Variants in LARP1B observed in about 807,000 individuals in gnomAD.
LARP1B encodes la-related protein 1B.
In LARP1B, 76 loss-of-function variants were observed where a neutral mutation model predicts 114.2. The ratio of observed to expected loss-of-function variants is 0.67; its 90% CI spans 0.55 to 0.81. The LOEUF is 0.81. Among genes scored for constraint, LARP1B ranks in the 30% least tolerant of loss-of-function variants. The pLI is 0.00. For synonymous variants in LARP1B, 345 were observed against 348.0 expected (o/e 0.99, Z 0.10); for missense variants, 1,014 against 1,075.8 (o/e 0.94, Z 0.80).
intron 14 of LARP1B, 54 bp from the exon 15 acceptor site, chr4:128,179,352 T>G (rs1747546132): frequency 2.1e-5 from 23 of 1,090,384 alleles, no homozygotes; most frequent in Non-Finnish European, 3.0e-5. Context: ...TTAATTTACT[T>G]GTGAAGTTCA....
chr4:128,144,603 G>C (rs1295526909), intron 11 of LARP1B, among the ~76,000 whole-genome samples: 2 of 151,894 alleles, frequency 1.3e-5, no homozygotes, highest in Non-Finnish European at 2.9e-5. Context: ...CTGAGTAGCT[G>C]GGATTTCAGG....
At chr4:128,162,135 T>A (rs1305626776) in intron 11 of LARP1B, 59 bp from the exon 12 acceptor site, 1 of 1,535,188 alleles carries the variant, frequency 6.5e-7, no homozygotes, top group East Asian at 2.3e-5. Context: ...GTATCAATTA[T>A]TGTCTGTTGG....
In LARP1B at chr4:128,217,757, C is replaced by T. The variant is rs1488079936; in HGVS notation, n.849-2598C>T. ...ACAAGACAGGGATGCCCTCTCTCAC[C>T]GCTCCTATTCAACATAGTGTTGGAA... On this transcript the variant is annotated intron_variant and non_coding_transcript_variant, in intron 6 of 7. Coordinates refer to the LARP1B transcript ENST00000503725. 7.1e-5 allele frequency among the ~76,000 whole-genome samples: 8 copies of T among 111,902 alleles called. No homozygotes were observed. In the East Asian group the frequency reaches 1.9e-3, roughly 27 times the overall value. The allele number at this position is 111,902 out of a possible 152,430, so 73.4% of individuals were successfully genotyped here.
At chr4:128,082,969 C>T (rs1040204493) in intron 5 of LARP1B, among the ~76,000 whole-genome samples, 17 of 151,314 alleles carry the variant, frequency 1.1e-4, no homozygotes, top group African/African-American at 3.2e-4. Context: ...TGCGGCCTTC[C>T]GCAGTGTTTG....
In LARP1B at chr4:128,083,677, C is replaced by A. The variant is rs548819763; in HGVS notation, c.358+1372C>A. 3.1e-3 allele frequency among the ~76,000 whole-genome samples: 80 copies of A among 25,778 alleles called. 2 individuals carry two copies. The highest frequency in any genetic ancestry group is 8.5e-3 in the Non-Finnish European group (72 of 8,488). The allele number at this position is 25,778 out of a possible 152,430, so 16.9% of individuals were successfully genotyped here. A position where few individuals can be genotyped will look rare whatever the true frequency, so the allele number is the denominator to read the frequency against. On this transcript the variant is annotated intron_variant, in intron 5 of 19. Coordinates refer to ENST00000326639, the MANE Select transcript of LARP1B (RefSeq NM_018078.4). ...CGGCTGGCCAGGTGGGGGGGCTGAGCCCCCCCACCTCCCTCCCGGACAGGG... is the reference window on the plus strand; with the variant it reads ...CGGCTGGCCAGGTGGGGGGGCTGAGACCCCCCACCTCCCTCCCGGACAGGG...
chr4:128,079,849 G>A (rs1455603686), intron 4 of LARP1B, among the ~76,000 whole-genome samples: 1 of 151,952 alleles, frequency 6.6e-6, no homozygotes, highest in Non-Finnish European at 1.5e-5. Flanking sequence ...AGAAGTGTGC[G>A]CCACCATGCC....
At chr4:128,161,624 G>A (rs972829260) in intron 11 of LARP1B, among the ~76,000 whole-genome samples, 2 of 152,060 alleles carry the variant, frequency 1.3e-5, no homozygotes, top group Non-Finnish European at 2.9e-5. Context: ...TAATTACTTT[G>A]TAATAAACAC....
intron 11 of LARP1B, among the ~76,000 whole-genome samples, chr4:128,136,369 T>C (rs1725329489): frequency 6.6e-6 from 1 of 151,464 alleles, no homozygotes; most frequent in African/African-American, 2.4e-5. Flanking sequence ...AACTTACATA[T>C]TAGTAGCAGA....
chr4:128,065,318 TCTCTCTCTCTCTC>T lies in LARP1B; in HGVS notation c.-78+3918_-78+3930del, dbSNP rs1561012443. Among the ~76,000 whole-genome samples, 249 of 74,636 alleles carry T rather than the reference TCTCTCTCTCTCTC, an allele frequency of 3.3e-3. 4 individuals are homozygous for T. Among genetic ancestry groups the T allele is most frequent in the Middle Eastern group, 0.014 (2 of 146 alleles). 49.0% of individuals were successfully genotyped at this position (74,636 alleles called of 152,430 possible). A position where few individuals can be genotyped will look rare whatever the true frequency, so the allele number is the denominator to read the frequency against. ...CTTTCTTTCTTTCTTTCTTTCTTTCTCTCTCTCTCTCTCTTTCCTTTCTTTTCTTTTCTTTTCT... is the reference window on the plus strand; with the variant it reads ...CTTTCTTTCTTTCTTTCTTTCTTTCTTTTCCTTTCTTTTCTTTTCTTTTCT... On this transcript the variant is annotated intron_variant, in intron 1 of 19. Coordinates refer to ENST00000326639, the MANE Select transcript of LARP1B (RefSeq NM_018078.4).
chr4:128,105,634 T>A (rs1213931765), intron 8 of LARP1B, among the ~76,000 whole-genome samples: 1 of 152,214 alleles, frequency 6.6e-6, no homozygotes, highest in Non-Finnish European at 1.5e-5. Context: ...GTTTCACACC[T>A]GTAATCCTGC....
chr4:128,122,216 A>G, intron 11 of LARP1B, 28 bp downstream of exon 11: 1 of 1,606,412 alleles, frequency 6.2e-7, no homozygotes. Flanking sequence ...ACATCTTTCT[A>G]CTGATGCTTT....
intron 5 of LARP1B, among the ~76,000 whole-genome samples, chr4:128,085,512 C>A (rs868304492): frequency 1.3e-5 from 2 of 151,856 alleles, no homozygotes; most frequent in Middle Eastern, 3.4e-3. Flanking sequence ...ATGACAGGTG[C>A]GTGCCACCAT....
At chr4:128,099,305 T>TG (rs1350641253) in intron 8 of LARP1B, among the ~76,000 whole-genome samples, 6 of 149,678 alleles carry the variant, frequency 4.0e-5, no homozygotes, top group African/African-American at 7.5e-5. Flanking sequence ...TTTTTTTTTT[T>TG]GAGACAGAGT....
At chr4:128,081,207 T>G (rs1460400512) in intron 4 of LARP1B, among the ~76,000 whole-genome samples, 16 of 151,498 alleles carry the variant, frequency 1.1e-4, no homozygotes. Context: ...GCTTCCCGAG[T>G]AGCTGGGACT....
intron 5 of LARP1B, among the ~76,000 whole-genome samples, chr4:128,085,902 A>G (rs962246489): frequency 2.6e-5 from 4 of 151,714 alleles, no homozygotes; most frequent in Admixed American, 6.6e-5. Flanking sequence ...TACTTGTAGC[A>G]TTTTACATTT....
At chr4:128,124,227 A>G (rs1788878757) in intron 11 of LARP1B, among the ~76,000 whole-genome samples, 1 of 152,216 alleles carries the variant, frequency 6.6e-6, no homozygotes, top group Non-Finnish European at 1.5e-5. Context: ...TTAAAAATAA[A>G]CCCACAATAA....
chr4:128,112,565 C>G lies in LARP1B; in HGVS notation c.989-2005C>G, dbSNP rs557494646. 1.0e-4 allele frequency among the ~76,000 whole-genome samples: 15 copies of G among 149,384 alleles called. No individual in the cohort carries two copies. In the South Asian group the frequency reaches 3.2e-3, roughly 32 times the overall value. The stretch of plus-strand genomic sequence containing the variant: ...CTCAGCTCACTGCAACCTCTGCCTC[C>G]TTGGTTCAAGGGATTCTTCTGTCTC... On this transcript the variant is annotated intron_variant, in intron 9 of 19. Coordinates refer to ENST00000326639, the MANE Select transcript of LARP1B (RefSeq NM_018078.4).
intron 11 of LARP1B, among the ~76,000 whole-genome samples, chr4:128,138,886 G>C (rs1287536129): frequency 6.6e-6 from 1 of 152,090 alleles, no homozygotes; most frequent in African/African-American, 2.4e-5. Flanking sequence ...GAACCTGGGA[G>C]GCAGTTGCAT....
intron 10 of LARP1B, among the ~76,000 whole-genome samples, chr4:128,119,900 C>A (rs1787325953): frequency 6.6e-6 from 1 of 152,146 alleles, no homozygotes; most frequent in Admixed American, 6.6e-5. Context: ...TCTTCAACCC[C>A]TAATCTCTTA....
Sources: allele counts gnomAD v4.1 joint callset (sites outside exome capture counted in the v4.1 genomes callset), GRCh38; gene constraint gnomAD v4.1.1; transcripts MANE v1.5; gene names NCBI Gene and HGNC (gene_info 2026-07-23, HGNC 2026-07-21).